The following FAT3 variants were observed in gnomAD, a reference collection of about 807,000 sequenced individuals.
FAT3 encodes the protein protocadherin Fat 3.
In FAT3, 95 loss-of-function variants were observed where a neutral mutation model predicts 310.2. The observed-to-expected ratio is 0.31, with a 90% CI of 0.26 to 0.36. The LOEUF (loss-of-function observed/expected upper bound fraction) is 0.36. FAT3 is among the 10% of genes least tolerant of loss of function. FAT3 has a pLI of 1.00. For missense variants in FAT3, 5,408 were observed against 5,715.6 expected, an observed-to-expected ratio of 0.95 and a Z score of 1.74; for synonymous variants, 2,314 against 2,192.9, an observed-to-expected ratio of 1.06 and a Z score of -1.54.
At chr11:92,391,589 T>G (rs940593357) in intron 2 of FAT3, among the ~76,000 whole-genome samples, 2 of 152,188 alleles carry the variant, frequency 1.3e-5, no homozygotes, top group African/African-American at 4.8e-5. Context: ...GAGGATCATG[T>G]GTATTCTTAA....
In FAT3 at chr11:92,893,478, T is replaced by A. The variant is rs1191133788; in HGVS notation, c.*2365T>A. 1 of 152,234 alleles carries A rather than the reference T, an allele frequency of 6.6e-6. No homozygotes were observed. Among genetic ancestry groups the A allele is most frequent in the Non-Finnish European group, 1.5e-5 (1 of 68,048 alleles). 9.4% of individuals were successfully genotyped at this position (152,234 alleles called of 1,614,324 possible). On this transcript the variant is annotated 3_prime_UTR_variant, in exon 28 of 28. Transcript: ENST00000525166. ...ATCAAAGTAAAACCAACATGTCATT[T>A]CCTGCCCCCAGGAAATATTAGAATG...
intron 3 of FAT3, among the ~76,000 whole-genome samples, chr11:92,580,939 G>C (rs1001496985): frequency 6.6e-6 from 1 of 151,418 alleles, no homozygotes; most frequent in Non-Finnish European, 1.5e-5. Flanking sequence ...CCAACCATTG[G>C]TTTCATTCCA....
At chr11:92,330,046 A>C (rs989999548) in intron 1 of FAT3, among the ~76,000 whole-genome samples, 2 of 152,156 alleles carry the variant, frequency 1.3e-5, no homozygotes, top group African/African-American at 4.8e-5. Flanking sequence ...AACACTTAGC[A>C]TGAGAAGAAA....
intron 2 of FAT3, among the ~76,000 whole-genome samples, chr11:92,463,734 A>T (rs2135119576): frequency 6.6e-6 from 1 of 152,290 alleles, no homozygotes; most frequent in Non-Finnish European, 1.5e-5. Context: ...TTACACTGGT[A>T]GTCTGGCACT....
chr11:92,292,115 A>G (rs1456350218), intron 1 of FAT3, among the ~76,000 whole-genome samples: 1 of 152,062 alleles, frequency 6.6e-6, no homozygotes, highest in Non-Finnish European at 1.5e-5. Context: ...TGAACCACGG[A>G]TGTGAAATCC....
At chr11:92,366,293 A>G (rs754796889) in intron 2 of FAT3, among the ~76,000 whole-genome samples, 2 of 152,192 alleles carry the variant, frequency 1.3e-5, no homozygotes, top group Non-Finnish European at 2.9e-5. Flanking sequence ...CCCTAGAAGC[A>G]TTATTCTGAC....
chr11:92,809,772 G>T, intron 12 of FAT3, 71 bp from the exon 13 acceptor site: 1 of 1,127,026 alleles, frequency 8.9e-7, no homozygotes, highest in Non-Finnish European at 1.3e-6. Flanking sequence ...TTGTATAATT[G>T]GTCCTCTGCT....
At chr11:92,734,106 C>G (rs907047196) in intron 4 of FAT3, among the ~76,000 whole-genome samples, 13 of 152,122 alleles carry the variant, frequency 8.5e-5, no homozygotes, top group African/African-American at 3.1e-4. Flanking sequence ...CTCTGAGTAT[C>G]TGATGTTTTA....
At chr11:92,412,751 A>G (rs1950319407) in intron 2 of FAT3, among the ~76,000 whole-genome samples, 2 of 95,678 alleles carry the variant, frequency 2.1e-5, no homozygotes, top group African/African-American at 1.2e-4. Context: ...ATATAAATAT[A>G]CATACATATA....
chr11:92,762,048 A>G lies in FAT3; in HGVS notation c.3862A>G (p.Asn1288Asp). 6.2e-7 allele frequency: 1 copy of G among 1,613,980 alleles called. No homozygotes were observed. Among genetic ancestry groups the G allele is most frequent in the Non-Finnish European group, 8.5e-7 (1 of 1,179,876 alleles). ...AFAFDRDEGP[N>D]AEISYSIVDG... ...TGCATTTGATAGAGATGAGGGCCCC[A>G]ACGCAGAAATCTCCTACAGTATTGT... Residue 1288 changes from asparagine (N) to aspartate (D), a missense_variant, in exon 5 of 28, where the codon AAC becomes GAC. Coordinates refer to ENST00000525166, the MANE Select transcript of FAT3 (RefSeq NM_001367949.2).
At chr11:92,852,452 C>T (rs999493905) in intron 19 of FAT3, among the ~76,000 whole-genome samples, 2 of 152,280 alleles carry the variant, frequency 1.3e-5, no homozygotes, top group East Asian at 3.9e-4. Context: ...AAACAGACAA[C>T]AGCAGCCAGA....
At chr11:92,730,672 C>G (rs1945148348) in intron 4 of FAT3, among the ~76,000 whole-genome samples, 1 of 152,188 alleles carries the variant, frequency 6.6e-6, no homozygotes, top group South Asian at 2.1e-4. Flanking sequence ...CAACCCCAGT[C>G]TCCATGTGGG....
intron 3 of FAT3, among the ~76,000 whole-genome samples, chr11:92,530,779 T>C (rs1954040083): frequency 6.6e-6 from 1 of 152,148 alleles, no homozygotes; most frequent in Admixed American, 6.5e-5. Flanking sequence ...TAATTTGTTA[T>C]CTTAGGTAAG....
At chr11:92,499,687 A>G (rs1952872144) in intron 2 of FAT3, among the ~76,000 whole-genome samples, 1 of 147,124 alleles carries the variant, frequency 6.8e-6, no homozygotes, top group African/African-American at 2.7e-5. Context: ...ATCTATGTGA[A>G]CAAAGTCTTG....
intron 13 of FAT3, 26 bp downstream of exon 13, chr11:92,810,102 G>C: frequency 6.3e-7 from 1 of 1,597,740 alleles, no homozygotes; most frequent in Non-Finnish European, 8.6e-7. Flanking sequence ...GCATCTCCCT[G>C]TCACACAGTG....
At position 92,836,558 on chromosome 11, in the gene FAT3, C is replaced by A; in HGVS notation, c.10087-8C>A. 2.5e-6 allele frequency: 4 copies of A among 1,610,718 alleles called. No homozygotes were observed. The South Asian group carries it at 4.4e-5, about 18-fold the overall frequency. The stretch of plus-strand genomic sequence containing the variant: ...GTCTTTTCTTTGTTTTGCTTGTTTT[C>A]CATGAAGCTAATAGCAGAAGATGTA... On this transcript the variant is annotated splice_region_variant and splice_polypyrimidine_tract_variant and intron_variant, in intron 15 of 27. Coordinates refer to ENST00000525166, the MANE Select transcript of FAT3 (RefSeq NM_001367949.2).
Position 92,355,285 on chromosome 11 carries a change from T to C in FAT3, c.3173T>C (p.Ile1058Thr), listed in dbSNP as rs769937866. The change falls in exon 2 of 28, where the codon ATT becomes ACT. Residue 1058 changes from isoleucine (I) to threonine (T), a missense_variant. Coordinates refer to ENST00000525166, the MANE Select transcript of FAT3 (RefSeq NM_001367949.2). The part of the protein sequence containing the change: ...VVGSVKENSR[I>T]GTSVLQVTAR... ...GGATCTGTAAAGGAAAACTCACGCA[T>C]TGGAACAAGCGTGCTGCAGGTGACT... 8.1e-6 allele frequency: 13 copies of C among 1,613,594 alleles called. No individual in the cohort carries two copies. The highest frequency in any genetic ancestry group is 1.6e-4 in the Middle Eastern group (1 of 6,082).
intron 2 of FAT3, among the ~76,000 whole-genome samples, chr11:92,362,274 TTAATTACTGTCA>T (rs1948901516): frequency 6.6e-6 from 1 of 152,220 alleles, no homozygotes; most frequent in Non-Finnish European, 1.5e-5. Context: ...TTGAGACACA[TTAATTACTGTCA>T]AGCTAATTTC....
intron 1 of FAT3, among the ~76,000 whole-genome samples, chr11:92,288,026 A>G (rs892860870): frequency 2.0e-5 from 3 of 152,164 alleles, no homozygotes; most frequent in Admixed American, 6.5e-5. Flanking sequence ...TGGGCTGAGA[A>G]GTACCTTTGG....
Sources: gnomAD v4.1 joint callset for allele counts (sites outside exome capture counted in the v4.1 genomes callset) on GRCh38, gnomAD v4.1.1 for gene constraint, MANE v1.5 for transcripts, NCBI Gene and HGNC (gene_info 2026-07-23, HGNC 2026-07-21) for gene names.